The following QTGAL variants were observed in gnomAD, a reference collection of about 807,000 sequenced individuals.
QTGAL encodes the protein queuosine-tRNA galactosyltransferase.
chr17:83,029,804 C>T, the QTGAL span, among the ~76,000 whole-genome samples: 3 of 152,332 alleles, frequency 2.0e-5, no homozygotes, highest in South Asian at 2.1e-4. Flanking sequence ...TTACCAGCAC[C>T]GCTCGTGGCC....
At chr17:82,984,798 C>T in the QTGAL span, among the ~76,000 whole-genome samples, 3 of 152,168 alleles carry the variant, frequency 2.0e-5, no homozygotes, top group Non-Finnish European at 4.4e-5. Flanking sequence ...ACGTGCAGGG[C>T]AGCAGGGGTC....
At chr17:83,014,406 G>A in the QTGAL span, 1 of 1,584,472 alleles carries the variant, frequency 6.3e-7, no homozygotes, top group Non-Finnish European at 8.7e-7. Context: ...AAACCACAGT[G>A]GTAATTTCAC....
chr17:83,031,422 C>T, the QTGAL span, among the ~76,000 whole-genome samples: 19 of 151,844 alleles, frequency 1.3e-4, no homozygotes, highest in East Asian at 3.7e-3. Flanking sequence ...ACGGGTCCCT[C>T]GCAGGACCAG....
chr17:82,966,921 G>A, the QTGAL span, among the ~76,000 whole-genome samples: 2 of 152,198 alleles, frequency 1.3e-5, no homozygotes, highest in African/African-American at 4.8e-5. Context: ...CAATAAGTGC[G>A]TTTCACTGAG....
the QTGAL span, among the ~76,000 whole-genome samples, chr17:82,957,873 G>A: frequency 5.3e-5 from 8 of 152,236 alleles, no homozygotes; most frequent in African/African-American, 1.4e-4. Context: ...AAATCCCAGC[G>A]TTCACACTTG....
chr17:82,974,023 G>C, the QTGAL span, among the ~76,000 whole-genome samples: 1 of 152,218 alleles, frequency 6.6e-6, no homozygotes, highest in Non-Finnish European at 1.5e-5. Flanking sequence ...TGGGTCGAGA[G>C]GGTGTCGTGG....
the QTGAL span, chr17:82,956,637 C>G: frequency 6.8e-6 from 10 of 1,478,904 alleles, no homozygotes; most frequent in African/African-American, 1.4e-5. The surrounding 1 kb of genome is among the most constrained non-coding windows in gnomAD (Gnocchi z 5.7). Context: ...GGCGGGTTGT[C>G]CAGGTGGCAG....
chr17:82,963,360 A>G, the QTGAL span, among the ~76,000 whole-genome samples: 1 of 152,224 alleles, frequency 6.6e-6, no homozygotes, highest in Admixed American at 6.5e-5. Flanking sequence ...AGGAGGAAGC[A>G]GCAGTCACCA....
the QTGAL span, among the ~76,000 whole-genome samples, chr17:82,999,552 C>T: frequency 4.7e-4 from 72 of 152,254 alleles, no homozygotes; most frequent in East Asian, 9.3e-3. Flanking sequence ...ATAACATCAA[C>T]GGTCGGTTAA....
At chr17:83,031,909 G>C in the QTGAL span, among the ~76,000 whole-genome samples, 1 of 152,252 alleles carries the variant, frequency 6.6e-6, no homozygotes, top group Non-Finnish European at 1.5e-5. Context: ...CGTCCTTCGA[G>C]GATGTTCACT....
the QTGAL span, among the ~76,000 whole-genome samples, chr17:83,032,982 G>A: frequency 2.6e-5 from 4 of 152,228 alleles, no homozygotes; most frequent in African/African-American, 4.8e-5. Flanking sequence ...GGAGAGGAAC[G>A]GGCGGCTCCC....
the QTGAL span, among the ~76,000 whole-genome samples, chr17:82,971,437 G>A: frequency 6.6e-6 from 1 of 152,162 alleles, no homozygotes; most frequent in Non-Finnish European, 1.5e-5. Context: ...GCGCTGGGGT[G>A]GGGGCAGCTC....
the QTGAL span, among the ~76,000 whole-genome samples, chr17:82,999,383 T>C: frequency 6.6e-6 from 1 of 152,148 alleles, no homozygotes; most frequent in Non-Finnish European, 1.5e-5. Flanking sequence ...GCTAAGTGGG[T>C]AAACAAATTG....
the QTGAL span, among the ~76,000 whole-genome samples, chr17:83,032,833 G>C: frequency 6.6e-6 from 1 of 152,208 alleles, no homozygotes; most frequent in Non-Finnish European, 1.5e-5. Context: ...CCGCCCTGGG[G>C]GTTCCGCCTT....
At chr17:83,008,789 A>G in the QTGAL span, among the ~76,000 whole-genome samples, 2 of 151,646 alleles carry the variant, frequency 1.3e-5, no homozygotes, top group South Asian at 2.1e-4. Context: ...CGCGGGCTCC[A>G]GATGATCCCA....
chr17:83,015,282 C>T, the QTGAL span, among the ~76,000 whole-genome samples: 28 of 151,736 alleles, frequency 1.8e-4, no homozygotes, highest in East Asian at 5.4e-3. The surrounding 1 kb of genome is among the most constrained non-coding windows in gnomAD (Gnocchi z 4.4). Context: ...GACCGTCTGG[C>T]ATCTTCCAGC....
At chr17:83,047,986 T>C in the QTGAL span, among the ~76,000 whole-genome samples, 2 of 151,738 alleles carry the variant, frequency 1.3e-5, no homozygotes, top group Non-Finnish European at 2.9e-5. Flanking sequence ...TCTCTCCCTC[T>C]CCTTTCTTCC....
At chr17:83,037,572 C>T in the QTGAL span, among the ~76,000 whole-genome samples, 2 of 152,196 alleles carry the variant, frequency 1.3e-5, no homozygotes, top group Admixed American at 6.5e-5. This position sits in a 1 kb window ranked among gnomAD's most constrained non-coding sequence, Gnocchi z 5.2. Flanking sequence ...TCTCCAGGGC[C>T]GCTGCAGCCA....
chr17:82,955,307 T>C, the QTGAL span, among the ~76,000 whole-genome samples: 1 of 152,104 alleles, frequency 6.6e-6, no homozygotes, highest in Non-Finnish European at 1.5e-5. Context: ...GCGAAGGACA[T>C]GAACAGACAC....
Sources: gnomAD v4.1 joint callset for allele counts (sites outside exome capture counted in the v4.1 genomes callset) on GRCh38, gnomAD v4.1.1 for gene constraint, Gnocchi (gnomAD v3.1) non-coding constraint, MANE v1.5 for transcripts, NCBI Gene and HGNC (gene_info 2026-07-23, HGNC 2026-07-21) for gene names.